Variants in NKAIN3 observed in about 807,000 individuals in gnomAD.
The protein encoded by NKAIN3 is sodium/potassium transporting ATPase interacting 3.
A neutral mutation model predicts 30.2 loss-of-function variants in NKAIN3; 25 were observed. That is an observed-to-expected ratio of 0.83 (90% confidence interval 0.60 to 1.16). The LOEUF is 1.16. NKAIN3 is among the 50% of genes most tolerant of loss of function. The pLI, the probability that NKAIN3 is intolerant of heterozygous loss-of-function variation, is 0.00. For synonymous variants in NKAIN3, 91 were observed against 89.6 expected (o/e 1.02, Z -0.09); for missense variants, 225 against 254.1 (o/e 0.89, Z 0.78).
At chr8:62,997,755 TA>T (rs56261705) in intron 5 of NKAIN3, among the ~76,000 whole-genome samples, 35,565 of 145,400 alleles carry the variant, frequency 0.24, 4,766 homozygotes, top group East Asian at 0.55. Flanking sequence ...CTCTTTTCTT[TA>T]AAAAAAAAAA....
intron 6 of NKAIN3, among the ~76,000 whole-genome samples, chr8:62,957,117 A>G (rs1481862672): frequency 6.6e-6 from 1 of 150,474 alleles, no homozygotes; most frequent in Non-Finnish European, 1.5e-5. Flanking sequence ...ACAAAAACTT[A>G]CACACCGATA....
intron 1 of NKAIN3, among the ~76,000 whole-genome samples, chr8:62,516,576 A>G (rs143315753): frequency 2.0e-5 from 3 of 152,262 alleles, no homozygotes; most frequent in East Asian, 3.9e-4. Context: ...ATTTATATGT[A>G]AACTTGAGGA....
intron 1 of NKAIN3, among the ~76,000 whole-genome samples, chr8:62,307,939 A>T (rs1814306338): frequency 6.7e-6 from 1 of 150,352 alleles, no homozygotes; most frequent in Non-Finnish European, 1.5e-5. Flanking sequence ...AGATGGACTC[A>T]GGCAAATAGA....
At chr8:62,711,773 T>C (rs1814727845) in intron 3 of NKAIN3, among the ~76,000 whole-genome samples, 1 of 152,184 alleles carries the variant, frequency 6.6e-6, no homozygotes, top group Non-Finnish European at 1.5e-5. Context: ...TTGGATCCAT[T>C]GCTGGTGAAC....
At chr8:62,870,175 T>C (rs1046815829) in intron 4 of NKAIN3, among the ~76,000 whole-genome samples, 41 of 139,052 alleles carry the variant, frequency 2.9e-4, no homozygotes, top group African/African-American at 9.9e-4. Flanking sequence ...CTTATAATCC[T>C]GTGAGCCAAG....
rs1312270142 is a variant in NKAIN3 at position 62,970,070 on chromosome 8, T to A, written c.*4663T>A. On this transcript the variant is annotated 3_prime_UTR_variant, in exon 7 of 7. Transcript: ENST00000623646. The stretch of plus-strand genomic sequence containing the variant: ...TAAACAAAAAATACCTAAAAAAAAA[T>A]TTAAATTAGCCAAGCATGGTGGCAT... Among the ~76,000 whole-genome samples, 2 of 151,498 alleles carry A rather than the reference T, an allele frequency of 1.3e-5. No individual in the cohort carries two copies. Among genetic ancestry groups the A allele is most frequent in the Admixed American group, 6.6e-5 (1 of 15,190 alleles).
intron 1 of NKAIN3, among the ~76,000 whole-genome samples, chr8:62,578,124 C>A (rs946267235): frequency 2.9e-4 from 44 of 152,044 alleles, no homozygotes; most frequent in Admixed American, 2.0e-4. Flanking sequence ...CAATACAAAA[C>A]TAGAAAAATG....
At chr8:62,606,159 A>G (rs1474090584) in intron 3 of NKAIN3, among the ~76,000 whole-genome samples, 3 of 152,092 alleles carry the variant, frequency 2.0e-5, no homozygotes, top group East Asian at 3.9e-4. Context: ...GCAAGCACAT[A>G]TTAAAGAGAG....
At chr8:62,721,219 A>G (rs1338481726) in intron 3 of NKAIN3, among the ~76,000 whole-genome samples, 1 of 152,226 alleles carries the variant, frequency 6.6e-6, no homozygotes, top group Non-Finnish European at 1.5e-5. Flanking sequence ...ACCAGAGAGC[A>G]TAATATTTTG....
chr8:62,773,892 G>A (rs1586181799), intron 4 of NKAIN3, among the ~76,000 whole-genome samples: 1 of 152,184 alleles, frequency 6.6e-6, no homozygotes, highest in East Asian at 1.9e-4. Context: ...TCTATTCTGG[G>A]TCTTTTGTGG....
intron 1 of NKAIN3, among the ~76,000 whole-genome samples, chr8:62,449,234 A>T (rs1465175951): frequency 1.3e-5 from 2 of 152,016 alleles, no homozygotes. Flanking sequence ...GCATCATGGA[A>T]ATTCCATGAT....
intron 5 of NKAIN3, among the ~76,000 whole-genome samples, chr8:62,925,409 TTG>T (rs1303733602): frequency 6.6e-6 from 1 of 152,196 alleles, no homozygotes; most frequent in African/African-American, 2.4e-5. Flanking sequence ...AATAAGGTAT[TTG>T]TGCACTTATA....
intron 4 of NKAIN3, among the ~76,000 whole-genome samples, chr8:62,770,728 T>A (rs1328357553): frequency 6.6e-6 from 1 of 151,866 alleles, no homozygotes; most frequent in Non-Finnish European, 1.5e-5. Flanking sequence ...TTATGCAGAC[T>A]TATAGGTGAC....
chr8:62,688,733 GACAGACAGACAC>G (rs1563517001), intron 3 of NKAIN3, among the ~76,000 whole-genome samples: 1 of 139,630 alleles, frequency 7.2e-6, no homozygotes, highest in African/African-American at 2.9e-5. Flanking sequence ...CAGACAGACA[GACAGACAGACAC>G]ACACACACAC....
chr8:62,897,093 T>C (rs1821450881), intron 4 of NKAIN3, among the ~76,000 whole-genome samples: 1 of 152,034 alleles, frequency 6.6e-6, no homozygotes, highest in Non-Finnish European at 1.5e-5. Flanking sequence ...ACAAACTCAA[T>C]AGAGCAACAG....
intron 4 of NKAIN3, among the ~76,000 whole-genome samples, chr8:62,831,253 A>G (rs1373370596): frequency 1.3e-5 from 2 of 152,158 alleles, no homozygotes. Flanking sequence ...AAAAATGAAA[A>G]AAATTACAAA....
intron 4 of NKAIN3, among the ~76,000 whole-genome samples, chr8:62,781,432 AATGTGT>A (rs1204087097): frequency 3.9e-5 from 6 of 151,910 alleles, no homozygotes; most frequent in Non-Finnish European, 7.4e-5. Flanking sequence ...AAAATCTTAA[AATGTGT>A]ATGGAATAAA....
At chr8:62,429,100 G>GTA (rs1804911097) in intron 1 of NKAIN3, among the ~76,000 whole-genome samples, 1 of 151,704 alleles carries the variant, frequency 6.6e-6, no homozygotes, top group Admixed American at 6.6e-5. Flanking sequence ...TTTCCCCATT[G>GTA]TATGTTCTTG....
intron 3 of NKAIN3, among the ~76,000 whole-genome samples, chr8:62,728,642 G>T (rs1364598158): frequency 6.6e-6 from 1 of 151,204 alleles, no homozygotes; most frequent in Non-Finnish European, 1.5e-5. Context: ...TCCAGCCTGG[G>T]CGACAAGAAC....
Sources: allele counts gnomAD v4.1 joint callset (sites outside exome capture counted in the v4.1 genomes callset), GRCh38; gene constraint gnomAD v4.1.1; transcripts MANE v1.5; gene names NCBI Gene and HGNC (gene_info 2026-07-23, HGNC 2026-07-21).